Variants in MARCHF3 observed in about 807,000 individuals in gnomAD.
The protein encoded by MARCHF3 is E3 ubiquitin-protein ligase MARCHF3.
In MARCHF3, 13 loss-of-function variants were observed where a neutral mutation model predicts 24.2. The ratio of observed to expected loss-of-function variants is 0.54; its 90% confidence interval spans 0.35 to 0.85. The LOEUF is 0.85. MARCHF3 is among the 40% of genes least tolerant of loss of function. MARCHF3 has a pLI of 0.01. For synonymous variants in MARCHF3, 144 were observed against 137.3 expected, an observed-to-expected ratio of 1.05 and a Z score of -0.34; for missense variants, 276 against 325.0, an observed-to-expected ratio of 0.85 and a Z score of 1.16.
chr5:126,948,924 T>C (rs1406872665), intron 1 of MARCHF3, among the ~76,000 whole-genome samples: 2 of 152,166 alleles, frequency 1.3e-5, no homozygotes, highest in African/African-American at 4.8e-5. Flanking sequence ...GAGTGTGCCT[T>C]TGTCGGCCTA....
At chr5:126,917,936 A>C in intron 2 of MARCHF3, 48 bp downstream of exon 2, 2 of 1,573,198 alleles carry the variant, frequency 1.3e-6, no homozygotes, top group Non-Finnish European at 1.7e-6. Context: ...TCTGACAAAG[A>C]GTTCTCTGGA....
At chr5:126,878,643 A>G (rs1753251562) in intron 3 of MARCHF3, among the ~76,000 whole-genome samples, 1 of 152,216 alleles carries the variant, frequency 6.6e-6, no homozygotes, top group Non-Finnish European at 1.5e-5. Context: ...CTTTTTGTGA[A>G]AATAGTCGTT....
At chr5:126,877,265 G>C (rs892685876) in intron 4 of MARCHF3, among the ~76,000 whole-genome samples, 22 of 152,186 alleles carry the variant, frequency 1.4e-4, no homozygotes, top group Admixed American at 9.2e-4. Context: ...TGCTGACACT[G>C]TGCTATGGGA....
chr5:126,938,165 CTTT>C (rs527628656), intron 1 of MARCHF3, among the ~76,000 whole-genome samples: 6,118 of 122,630 alleles, frequency 0.05, 135 homozygotes, highest in African/African-American at 0.12. Context: ...TGATCTGATT[CTTT>C]TTTTTTTTTT....
At chr5:127,027,797 A>T (rs894419653) in intron 1 of MARCHF3, among the ~76,000 whole-genome samples, 6 of 152,360 alleles carry the variant, frequency 3.9e-5, no homozygotes, top group Non-Finnish European at 8.8e-5. Flanking sequence ...CTCACAGACT[A>T]TAACTGTTCT....
intron 1 of MARCHF3, among the ~76,000 whole-genome samples, chr5:126,941,822 G>A (rs1412962494): frequency 1.3e-5 from 2 of 152,190 alleles, no homozygotes; most frequent in Non-Finnish European, 2.9e-5. Flanking sequence ...AAGAGGCCTT[G>A]GAAGGAAACG....
intron 4 of MARCHF3, among the ~76,000 whole-genome samples, chr5:126,875,839 T>C (rs991469990): frequency 1.3e-5 from 2 of 152,250 alleles, no homozygotes; most frequent in Non-Finnish European, 2.9e-5. Flanking sequence ...TCACTTACTC[T>C]TTGCAATAAC....
chr5:126,994,390 G>T (rs1005965932), intron 1 of MARCHF3, among the ~76,000 whole-genome samples: 1 of 152,190 alleles, frequency 6.6e-6, no homozygotes, highest in African/African-American at 2.4e-5. Context: ...GAGCACCTAG[G>T]GGGTAGGGGG....
At chr5:126,922,512 T>TTTTATTTTA (rs1554065916) in intron 1 of MARCHF3, among the ~76,000 whole-genome samples, 46 of 142,876 alleles carry the variant, frequency 3.2e-4, no homozygotes, top group African/African-American at 1.1e-3. Flanking sequence ...CATTTCTGTC[T>TTTTATTTTA]TTTATTTATT....
At chr5:126,890,233 C>T (rs568053061) in intron 3 of MARCHF3, among the ~76,000 whole-genome samples, 1 of 151,772 alleles carries the variant, frequency 6.6e-6, no homozygotes, top group South Asian at 2.1e-4. Context: ...ATAAAACTCA[C>T]AGACTTGTCT....
chr5:126,998,903 A>C (rs1752032505), intron 1 of MARCHF3, among the ~76,000 whole-genome samples: 1 of 152,208 alleles, frequency 6.6e-6, no homozygotes, highest in Admixed American at 6.5e-5. Flanking sequence ...CAAAGTAAAA[A>C]ACTGTGACTA....
chr5:126,875,334 G>A (rs1014402656), intron 4 of MARCHF3, among the ~76,000 whole-genome samples: 2 of 152,178 alleles, frequency 1.3e-5, no homozygotes, highest in African/African-American at 4.8e-5. Context: ...GCATGGCCAC[G>A]TGTGCCTGCG....
chr5:126,961,249 AT>A (rs1750627183), intron 1 of MARCHF3, among the ~76,000 whole-genome samples: 1 of 152,168 alleles, frequency 6.6e-6, no homozygotes, highest in Non-Finnish European at 1.5e-5. Flanking sequence ...CACAAAAGAT[AT>A]TTTGTTGAAA....
chr5:126,908,006 G>A (rs948306846), intron 3 of MARCHF3, among the ~76,000 whole-genome samples: 1 of 151,796 alleles, frequency 6.6e-6, no homozygotes, highest in Non-Finnish European at 1.5e-5. Flanking sequence ...GCTCTTTTAG[G>A]GCAGGCCTGG....
intron 1 of MARCHF3, among the ~76,000 whole-genome samples, chr5:126,984,612 G>C (rs1480850124): frequency 1.3e-5 from 2 of 152,122 alleles, no homozygotes; most frequent in Non-Finnish European, 2.9e-5. Context: ...TCTCTTCTAG[G>C]ATACAAGAAA....
At chr5:127,009,984 G>C (rs1327284752) in intron 1 of MARCHF3, among the ~76,000 whole-genome samples, 1 of 152,152 alleles carries the variant, frequency 6.6e-6, no homozygotes, top group Non-Finnish European at 1.5e-5. Flanking sequence ...GTTAACATTG[G>C]AACAAGTCCA....
chr5:126,926,053 A>G (rs1350608990), intron 1 of MARCHF3, among the ~76,000 whole-genome samples: 1 of 152,186 alleles, frequency 6.6e-6, no homozygotes, highest in Non-Finnish European at 1.5e-5. Flanking sequence ...TTTAAAAATC[A>G]GCATCCAAGT....
chr5:126,986,943 T>C (rs1751585354), intron 1 of MARCHF3, among the ~76,000 whole-genome samples: 1 of 152,264 alleles, frequency 6.6e-6, no homozygotes, highest in South Asian at 2.1e-4. Flanking sequence ...TAGAATAGAA[T>C]GTATGACAGT....
At chr5:126,912,068 T>C (rs1561422223) in intron 3 of MARCHF3, among the ~76,000 whole-genome samples, 1 of 152,130 alleles carries the variant, frequency 6.6e-6, no homozygotes, top group Non-Finnish European at 1.5e-5. Flanking sequence ...AATCAGCCCA[T>C]TGATTTGCCA....
Sources: gnomAD v4.1 joint callset for allele counts (sites outside exome capture counted in the v4.1 genomes callset) on GRCh38, gnomAD v4.1.1 for gene constraint, MANE v1.5 for transcripts, NCBI Gene and HGNC (gene_info 2026-07-23, HGNC 2026-07-21) for gene names.